Variants in ZZEF1 observed in about 807,000 individuals in gnomAD.
ZZEF1 encodes zinc finger ZZ-type and EF-hand domain containing 1.
Under a neutral mutation model 342.8 loss-of-function variants are expected in ZZEF1, and 157 were observed. The observed-to-expected ratio is 0.46, with a 90% confidence interval of 0.40 to 0.52. The LOEUF (loss-of-function observed/expected upper bound fraction) is 0.52, where lower values mean the gene tolerates loss of function less well. Ranked by LOEUF, ZZEF1 falls within the 20% of genes least tolerant of loss-of-function variation. ZZEF1 has a pLI of 0.00. For missense variants in ZZEF1, 3,480 were observed against 3,725.6 expected, an observed-to-expected ratio of 0.93 and a Z score of 1.72; for synonymous variants, 1,505 against 1,429.1, an observed-to-expected ratio of 1.05 and a Z score of -1.20.
intron 4 of ZZEF1, among the ~76,000 whole-genome samples, chr17:4,113,607 G>A (rs1433284722): frequency 1.3e-5 from 2 of 151,828 alleles, no homozygotes; most frequent in East Asian, 1.9e-4. Context: ...GGAGGTTGCA[G>A]TGAACAGAGA....
intron 36 of ZZEF1, 137 bp from the exon 37 acceptor site, chr17:4,049,996 C>T (rs1353740540): frequency 6.6e-5 from 61 of 923,462 alleles, no homozygotes; most frequent in South Asian, 3.5e-4. Context: ...GAGGACTCAA[C>T]GTGAACATCC....
At chr17:4,044,484 G>C in intron 37 of ZZEF1, 110 bp from the exon 38 acceptor site, 1 of 954,820 alleles carries the variant, frequency 1.0e-6, no homozygotes, top group East Asian at 2.6e-5. Context: ...AAAAACTTTT[G>C]AATGCCATTA....
At chr17:4,078,497 T>C (rs1458749353) in intron 18 of ZZEF1, among the ~76,000 whole-genome samples, 1 of 152,202 alleles carries the variant, frequency 6.6e-6, no homozygotes, top group African/African-American at 2.4e-5. Flanking sequence ...TTGTACACTA[T>C]ATGATTCCAT....
At chr17:4,089,023 C>T (rs1424596831) in intron 12 of ZZEF1, 130 bp from the exon 13 acceptor site, 1 of 713,592 alleles carries the variant, frequency 1.4e-6, no homozygotes, top group East Asian at 2.7e-5. Flanking sequence ...TTATGCTCAG[C>T]ACTAGGGACA....
chr17:4,046,399 C>A (rs2056913404), intron 37 of ZZEF1, among the ~76,000 whole-genome samples: 1 of 152,182 alleles, frequency 6.6e-6, no homozygotes, highest in Non-Finnish European at 1.5e-5. Flanking sequence ...GGAACTGTGG[C>A]TACATGGGAA....
At chr17:4,056,097 G>T in intron 33 of ZZEF1, 119 bp downstream of exon 33, 1 of 1,130,384 alleles carries the variant, frequency 8.8e-7, no homozygotes, top group Non-Finnish European at 1.2e-6. Context: ...CCTTCACTAG[G>T]GTATTGAATG....
At chr17:4,067,041 A>T (rs1159089615) in intron 27 of ZZEF1, 122 bp downstream of exon 27, 7 of 780,400 alleles carry the variant, frequency 9.0e-6, no homozygotes, top group Non-Finnish European at 1.4e-5. Flanking sequence ...CATGTCACTA[A>T]ACTTTAGCTT....
At chr17:4,142,147 G>C (rs2058864697) in intron 1 of ZZEF1, among the ~76,000 whole-genome samples, 1 of 152,178 alleles carries the variant, frequency 6.6e-6, no homozygotes. Context: ...CACTGAATTG[G>C]GAAGGTGCTG....
intron 2 of ZZEF1, among the ~76,000 whole-genome samples, chr17:4,121,783 C>T (rs1389797231): frequency 6.6e-6 from 1 of 150,724 alleles, no homozygotes; most frequent in Admixed American, 6.6e-5. Flanking sequence ...AGTACAGTGG[C>T]GTGATCACGG....
chr17:4,005,095 G>A lies in ZZEF1; in HGVS notation c.*1795C>T, dbSNP rs1357495804. The A allele has an allele frequency of 6.6e-6, 1 of 152,394 alleles. No homozygotes were observed. Among genetic ancestry groups the A allele is most frequent in the Non-Finnish European group, 1.5e-5 (1 of 68,164 alleles). The allele number at this position is 152,394 out of a possible 1,614,324, so 9.4% of individuals were successfully genotyped here. A position where few individuals can be genotyped will look rare whatever the true frequency, so the allele number is the denominator to read the frequency against. On this transcript the variant is annotated 3_prime_UTR_variant, in exon 55 of 55. Coordinates refer to ENST00000381638, the MANE Select transcript of ZZEF1 (RefSeq NM_015113.4). ...GTGGCGCTATCTCGTCTACCTTCCA[G>A]GTTGGCTGTGAGTCTGAGCACGCAG... is the stretch of plus-strand genomic sequence containing the variant.
At position 4,034,044 on chromosome 17, in the gene ZZEF1, G is replaced by A. The variant is rs1282516200; in HGVS notation, c.6555C>T (p.Leu2185=). 6.2e-7 allele frequency: 1 copy of A among 1,614,226 alleles called. No individual in the cohort carries two copies. The highest frequency in any genetic ancestry group is 1.7e-5 in the Admixed American group (1 of 60,026). ...CCAGACACACAGCTCCCAGGCTAAAGAGCAGGTGGGTGGTTTTCCAGCCAT... is the reference window on the plus strand; with the variant it reads ...CCAGACACACAGCTCCCAGGCTAAAAAGCAGGTGGGTGGTTTTCCAGCCAT... ...VPDGWKTTHL[L]FSLGAVCLDS... is the part of the protein sequence containing the mutation. The change falls in exon 40 of 55, where the codon CTC becomes CTT. Residue 2185 remains leucine (L), a synonymous_variant. Transcript: ENST00000381638.
chr17:4,013,338 A>C (rs897224305), intron 52 of ZZEF1, 111 bp downstream of exon 52: 15 of 1,106,412 alleles, frequency 1.4e-5, no homozygotes, highest in Non-Finnish European at 1.7e-5. Flanking sequence ...GGAAGACATT[A>C]AAGCCACAAA....
intron 39 of ZZEF1, among the ~76,000 whole-genome samples, chr17:4,036,492 T>C (rs1483480002): frequency 2.6e-5 from 4 of 152,002 alleles, no homozygotes; most frequent in African/African-American, 9.7e-5. Context: ...CCCAGCACTT[T>C]GGGAGGCCGA....
intron 1 of ZZEF1, among the ~76,000 whole-genome samples, chr17:4,129,443 G>C (rs546632331): frequency 3.3e-5 from 5 of 152,230 alleles, no homozygotes; most frequent in Admixed American, 6.5e-5. Flanking sequence ...GTTCACTGCA[G>C]CACTATTCAC....
rs780991151 is a variant in ZZEF1, at chr17:4,070,964, A to C, written c.3835-40T>G. 4.4e-6 allele frequency: 7 copies of C among 1,588,072 alleles called. No individual in the cohort carries two copies. The South Asian group carries it at 8.0e-5, about 18-fold the overall frequency. ...TAAACCCATCACATTTAACACATTC[A>C]TTCAAAAAATAAAATTTATTGAGCA... On this transcript the variant is annotated intron_variant, in intron 25 of 54. Transcript: ENST00000381638.
intron 42 of ZZEF1, among the ~76,000 whole-genome samples, chr17:4,026,028 A>G (rs1221294304): frequency 6.6e-6 from 1 of 152,180 alleles, no homozygotes; most frequent in Non-Finnish European, 1.5e-5. Context: ...AGAATATCAG[A>G]GCAGGGAGAT....
chr17:4,044,420 G>T, intron 37 of ZZEF1, 46 bp from the exon 38 acceptor site: 1 of 1,550,216 alleles, frequency 6.5e-7, no homozygotes, highest in Non-Finnish European at 8.8e-7. Flanking sequence ...TTATAACAAA[G>T]TTTGCTCCAT....
At chr17:4,129,220 G>T (rs1302042823) in intron 1 of ZZEF1, among the ~76,000 whole-genome samples, 1 of 152,140 alleles carries the variant, frequency 6.6e-6, no homozygotes, top group Admixed American at 6.5e-5. Context: ...AATCATGAAA[G>T]AACAGGATAA....
intron 5 of ZZEF1, among the ~76,000 whole-genome samples, chr17:4,110,522 C>A (rs1221608199): frequency 6.6e-6 from 1 of 152,062 alleles, no homozygotes; most frequent in African/African-American, 2.4e-5. Context: ...CTTCTTTTGG[C>A]CCAGGAAAGC....
Sources: allele counts gnomAD v4.1 joint callset (sites outside exome capture counted in the v4.1 genomes callset), GRCh38; gene constraint gnomAD v4.1.1; transcripts MANE v1.5; gene names NCBI Gene and HGNC (gene_info 2026-07-23, HGNC 2026-07-21).